Variants in PARD3B observed in about 807,000 individuals in gnomAD.
PARD3B encodes the protein partitioning defective 3 homolog B.
In PARD3B, 103 loss-of-function variants were observed where a neutral mutation model predicts 130.2. The ratio of observed to expected loss-of-function variants is 0.79; its 90% CI spans 0.67 to 0.93. The LOEUF (loss-of-function observed/expected upper bound fraction) is 0.93, where lower values mean the gene tolerates loss of function less well. Among genes scored for constraint, PARD3B ranks in the 40% least tolerant of loss-of-function variants. PARD3B has a pLI of 0.00. For missense variants in PARD3B, 1,609 were observed against 1,499.2 expected (o/e 1.07, Z -1.21); for synonymous variants, 583 against 553.2 (o/e 1.05, Z -0.76).
rs114649821 is a variant in PARD3B at position 205,313,184 on chromosome 2, G to C, written c.2630+11483G>C. On this transcript the variant is annotated intron_variant, in intron 18 of 22. Transcript: ENST00000406610. ...ATTAAATTTAGATCAAGCACATTTA[G>C]GATTGTTTGGTTGGCATTTATTTCT... Among the ~76,000 whole-genome samples the C allele has an allele frequency of 7.7e-3, 1,168 of 152,250 alleles. 20 individuals carry two copies. The highest frequency in any genetic ancestry group is 0.026 in the African/African-American group (1,096 of 41,546).
At chr2:205,355,116 A>G (rs2044143772) in intron 18 of PARD3B, among the ~76,000 whole-genome samples, 1 of 152,126 alleles carries the variant, frequency 6.6e-6, no homozygotes, top group South Asian at 2.1e-4. Context: ...TGTAGTTAGA[A>G]GGGCCCATAG....
chr2:205,096,796 CT>C (rs2125553459), intron 4 of PARD3B, among the ~76,000 whole-genome samples: 1 of 152,250 alleles, frequency 6.6e-6, no homozygotes, highest in East Asian at 1.9e-4. Flanking sequence ...TATTTATGAT[CT>C]AATCGTATTC....
intron 22 of PARD3B, among the ~76,000 whole-genome samples, chr2:205,583,986 T>C (rs1435262628): frequency 6.6e-6 from 1 of 152,242 alleles, no homozygotes; most frequent in African/African-American, 2.4e-5. Flanking sequence ...TAAAGAGCCA[T>C]GTTACCCATG....
chr2:204,593,498 A>G (rs2033158504), intron 1 of PARD3B, among the ~76,000 whole-genome samples: 1 of 152,224 alleles, frequency 6.6e-6, no homozygotes, highest in Non-Finnish European at 1.5e-5. Context: ...TCCAAGGGGC[A>G]AATTTTCGAA....
At chr2:205,094,961 A>G (rs1702314943) in intron 4 of PARD3B, among the ~76,000 whole-genome samples, 1 of 152,164 alleles carries the variant, frequency 6.6e-6, no homozygotes, top group Non-Finnish European at 1.5e-5. Flanking sequence ...TGGAGTTACA[A>G]ATGAAGCCCT....
At position 204,582,981 on chromosome 2, in the gene PARD3B, G is replaced by A. The variant is rs143859733; in HGVS notation, c.120+36862G>A. Among the ~76,000 whole-genome samples the A allele has an allele frequency of 3.3e-3, 508 of 152,094 alleles. 3 individuals are homozygous for A. Among genetic ancestry groups the A allele is most frequent in the African/African-American group, 0.012 (489 of 41,464 alleles). ...TCGCCCACTTTTTGAAACAACAGGT[G>A]CTGGAGAGGATGTGGAGAAATAGGA... On this transcript the variant is annotated intron_variant, in intron 1 of 22. Transcript: ENST00000406610.
intron 11 of PARD3B, 118 bp downstream of exon 11, chr2:205,159,025 C>A: frequency 1.9e-6 from 2 of 1,071,492 alleles, no homozygotes; most frequent in South Asian, 1.5e-5. Context: ...ACTTTCCCGC[C>A]AGATACAAAA....
rs539176376 is a variant in PARD3B at position 205,256,184 on chromosome 2, T to G, written c.2185+10362T>G. 2.0e-5 allele frequency among the ~76,000 whole-genome samples: 3 copies of G among 152,034 alleles called. 1 individual carries two copies. The highest frequency in any genetic ancestry group is 7.2e-5 in the African/African-American group (3 of 41,484). On this transcript the variant is annotated intron_variant, in intron 16 of 22. Transcript: ENST00000406610. Reference sequence around the variant, plus strand: ...GCCTCAAAGATCCCTCTCAGGATGTTTTTTTTAAAAAAATCTCCTTTGATC... The same window carrying G: ...GCCTCAAAGATCCCTCTCAGGATGTGTTTTTTAAAAAAATCTCCTTTGATC...
intron 21 of PARD3B, among the ~76,000 whole-genome samples, chr2:205,524,721 A>G (rs1050675124): frequency 6.6e-6 from 1 of 152,128 alleles, no homozygotes; most frequent in Non-Finnish European, 1.5e-5. Context: ...AAAAAGCCCC[A>G]TGTTAATCTC....
intron 2 of PARD3B, among the ~76,000 whole-genome samples, chr2:204,719,364 T>C (rs1335397871): frequency 6.6e-6 from 1 of 152,350 alleles, no homozygotes; most frequent in East Asian, 1.9e-4. Context: ...TTCAAATGCT[T>C]GTCTCTTCAT....
intron 2 of PARD3B, among the ~76,000 whole-genome samples, chr2:204,694,830 C>T (rs2037534025): frequency 1.3e-5 from 2 of 152,056 alleles, no homozygotes; most frequent in South Asian, 2.1e-4. Flanking sequence ...AGAATCTGTG[C>T]ACAGATGTAT....
At chr2:204,548,330 C>T (rs1312279368) in intron 1 of PARD3B, among the ~76,000 whole-genome samples, 1 of 152,086 alleles carries the variant, frequency 6.6e-6, no homozygotes, top group Non-Finnish European at 1.5e-5. Context: ...ATCACACTAA[C>T]ATGTAACATG....
At chr2:204,661,229 C>T (rs2035797736) in intron 1 of PARD3B, among the ~76,000 whole-genome samples, 1 of 152,094 alleles carries the variant, frequency 6.6e-6, no homozygotes, top group African/African-American at 2.4e-5. Flanking sequence ...AAAAGAATGT[C>T]CCCAGGAAGA....
intron 2 of PARD3B, among the ~76,000 whole-genome samples, chr2:204,727,131 G>A (rs2039270947): frequency 7.2e-6 from 1 of 138,312 alleles, no homozygotes; most frequent in East Asian, 2.0e-4. Context: ...CATTAGGACA[G>A]AATGAGAAGC....
At chr2:205,505,169 C>T (rs1047368023) in intron 21 of PARD3B, among the ~76,000 whole-genome samples, 3 of 151,442 alleles carry the variant, frequency 2.0e-5, no homozygotes, top group Admixed American at 1.3e-4. Context: ...ATGTTCTCAC[C>T]CGTAGGTGGG....
chr2:205,243,166 C>T (rs893423907), intron 15 of PARD3B, among the ~76,000 whole-genome samples: 1 of 137,232 alleles, frequency 7.3e-6, no homozygotes, highest in Admixed American at 7.3e-5. Flanking sequence ...AACTCCGTCT[C>T]AAAAAAAAAA....
At position 205,485,814 on chromosome 2, in the gene PARD3B, C is replaced by CA. The variant is rs1475447837; in HGVS notation, c.3045-14081dup. ...TGGTGTTCCTTCCAGCTGGCATGCC[C>CA]AGCCACCCTCTCTTTATCCTTGTCT... is the stretch of plus-strand genomic sequence containing the variant. On this transcript the variant is annotated intron_variant, in intron 20 of 22. Transcript: ENST00000406610. Among the ~76,000 whole-genome samples, 5 of 152,152 alleles carry CA rather than the reference C, an allele frequency of 3.3e-5. No individual in the cohort carries two copies. The East Asian group carries it at 9.7e-4, about 29-fold the overall frequency.
intron 1 of PARD3B, among the ~76,000 whole-genome samples, chr2:204,549,243 C>T (rs999760442): frequency 1.3e-5 from 2 of 152,128 alleles, no homozygotes. Flanking sequence ...CCATTGGAAA[C>T]GTGGTGGACT....
chr2:205,319,795 C>G (rs1303572076), intron 18 of PARD3B, among the ~76,000 whole-genome samples: 2 of 152,202 alleles, frequency 1.3e-5, no homozygotes, highest in African/African-American at 2.4e-5. Flanking sequence ...TTTTTACTTA[C>G]AGCTGCTTCC....
Sources: allele counts gnomAD v4.1 joint callset (sites outside exome capture counted in the v4.1 genomes callset), GRCh38; gene constraint gnomAD v4.1.1; transcripts MANE v1.5; gene names NCBI Gene and HGNC (gene_info 2026-07-23, HGNC 2026-07-21).